The following ADAM10 variants were observed in gnomAD, a reference collection of about 807,000 sequenced individuals.
ADAM10 encodes the protein disintegrin and metalloproteinase domain-containing protein 10.
In ADAM10, 17 loss-of-function variants were observed where a neutral mutation model predicts 90.1. The observed-to-expected ratio is 0.19, with a 90% CI of 0.13 to 0.28. The LOEUF is 0.28. ADAM10 is among the 10% of genes least tolerant of loss of function. The pLI, the probability that ADAM10 is intolerant of heterozygous loss-of-function variation, is 1.00. For synonymous variants in ADAM10, 310 were observed against 298.6 expected (o/e 1.04, Z -0.40); for missense variants, 610 against 914.3 (o/e 0.67, Z 4.29).
At chr15:58,631,357 G>A (rs960493028) in intron 9 of ADAM10, among the ~76,000 whole-genome samples, 6 of 152,134 alleles carry the variant, frequency 3.9e-5, no homozygotes, top group South Asian at 2.1e-4. Flanking sequence ...AGCGTGGTAG[G>A]CAAAGAGTGT....
chr15:58,598,752 T>C (rs1895027005), intron 15 of ADAM10, among the ~76,000 whole-genome samples: 1 of 152,168 alleles, frequency 6.6e-6, no homozygotes, highest in African/African-American at 2.4e-5. Context: ...AACTAAACAA[T>C]ACGAAGGGTT....
intron 11 of ADAM10, among the ~76,000 whole-genome samples, chr15:58,616,199 C>T (rs1895610303): frequency 6.6e-6 from 1 of 152,154 alleles, no homozygotes; most frequent in Non-Finnish European, 1.5e-5. Context: ...ACTTCAACAG[C>T]CCATTCTCAG....
chr15:58,689,953 A>C (rs3052929), intron 2 of ADAM10, among the ~76,000 whole-genome samples: 12,927 of 63,532 alleles, frequency 0.2, 2,132 homozygotes, highest in African/African-American at 0.52. Flanking sequence ...GACCCCCCCC[A>C]AAAAAAAAAA....
At chr15:58,609,378 G>T (rs1895370223) in intron 14 of ADAM10, 1 of 152,062 alleles carries the variant, frequency 6.6e-6, no homozygotes, top group Non-Finnish European at 1.5e-5. Context: ...CCTAGGAACG[G>T]TAAACATCAT....
chr15:58,665,631 T>C (rs1171351524), intron 4 of ADAM10, among the ~76,000 whole-genome samples: 2 of 152,062 alleles, frequency 1.3e-5, no homozygotes, highest in African/African-American at 4.8e-5. Flanking sequence ...CTTCCTACTC[T>C]TGGGAAGATA....
intron 5 of ADAM10, among the ~76,000 whole-genome samples, chr15:58,652,122 GCTC>G (rs1802999561): frequency 6.6e-6 from 1 of 151,956 alleles, no homozygotes; most frequent in African/African-American, 2.4e-5. Flanking sequence ...AGTTATTTCA[GCTC>G]CTTATATATT....
chr15:58,736,367 TAC>T (rs1415563245), intron 1 of ADAM10, among the ~76,000 whole-genome samples: 2 of 152,180 alleles, frequency 1.3e-5, no homozygotes, highest in African/African-American at 2.4e-5. Context: ...TAGCATATAT[TAC>T]AGTCACATGG....
At chr15:58,637,058 T>A (rs566793555) in intron 8 of ADAM10, among the ~76,000 whole-genome samples, 1 of 152,324 alleles carries the variant, frequency 6.6e-6, no homozygotes, top group East Asian at 1.9e-4. Context: ...ATGATGTAAT[T>A]TTCCCAGCAT....
rs1459860544 is a variant in ADAM10, at chr15:58,597,146, G to A, written c.*401C>T. ...TGATGTCTCCAATGTTGAGGTGGTCGAGCCTCCTAGCCTTGATTGGCAGTT... is the reference window on the plus strand; with the variant it reads ...TGATGTCTCCAATGTTGAGGTGGTCAAGCCTCCTAGCCTTGATTGGCAGTT... On this transcript the variant is annotated 3_prime_UTR_variant, in exon 16 of 16. Coordinates refer to ENST00000260408, the MANE Select transcript of ADAM10 (RefSeq NM_001110.4). 1.3e-5 allele frequency: 6 copies of A among 448,050 alleles called. No individual in the cohort carries two copies. The highest frequency in any genetic ancestry group is 3.7e-5 in the Admixed American group (1 of 27,210). 27.8% of individuals were successfully genotyped at this position (448,050 alleles called of 1,614,324 possible).
chr15:58,665,170 CCCT>C lies in ADAM10; in HGVS notation c.509_511del (p.Gln170_Gly171delinsArg). 1.2e-6 allele frequency: 2 copies of C among 1,613,052 alleles called. No individual in the cohort carries two copies. The highest frequency in any genetic ancestry group is 8.5e-7 in the Non-Finnish European group (1 of 1,179,184). ...AAATACTGAATGATCTGCACAGCCCCCCTGAGGACCGTATTTATGGGGATAGTC... is the reference window on the plus strand; with the variant it reads ...AAATACTGAATGATCTGCACAGCCCCGAGGACCGTATTTATGGGGATAGTC... On this transcript the variant is annotated inframe_deletion, in exon 5 of 16. Transcript: ENST00000260408.
At chr15:58,705,371 T>G (rs1044374427) in intron 2 of ADAM10, among the ~76,000 whole-genome samples, 12 of 152,174 alleles carry the variant, frequency 7.9e-5, no homozygotes, top group Non-Finnish European at 1.8e-4. Flanking sequence ...GCGGTTCTAT[T>G]ATGATTCTTT....
chr15:58,733,839 A>G (rs531483145), intron 1 of ADAM10, among the ~76,000 whole-genome samples: 2 of 151,724 alleles, frequency 1.3e-5, no homozygotes, highest in East Asian at 1.9e-4. Flanking sequence ...ACCATGCTGA[A>G]TAACAAGTGT....
chr15:58,610,962 G>A, intron 13 of ADAM10, 37 bp downstream of exon 13: 1 of 1,505,896 alleles, frequency 6.6e-7, no homozygotes, highest in Non-Finnish European at 9.2e-7. Flanking sequence ...AATAGTTTGA[G>A]GCAAATTTTA....
In ADAM10 at chr15:58,595,513, T is replaced by C. The variant is rs1331893453; in HGVS notation, c.*2034A>G. 6.6e-6 allele frequency: 1 copy of C among 152,196 alleles called. No homozygotes were observed. Among genetic ancestry groups the C allele is most frequent in the Non-Finnish European group, 1.5e-5 (1 of 68,004 alleles). 9.4% of individuals were successfully genotyped at this position (152,196 alleles called of 1,614,324 possible). ...TTCCAAAGTGAACAAAAAAAGATAC[T>C]GTATAAAACACAGTGGACATTAAAA... is the stretch of plus-strand genomic sequence containing the variant. On this transcript the variant is annotated 3_prime_UTR_variant, in exon 16 of 16. Transcript: ENST00000260408.
Position 58,627,827 on chromosome 15 carries a change from T to A in ADAM10, c.1233A>T (p.Glu411Asp). ...PGESKNLGQKENGNYIMYARA... is the reference protein window; with the variant it reads ...PGESKNLGQKDNGNYIMYARA... ...TTGCATACATGATGTAATTGCCATT[T>A]TCTTTTTGACCCAAATTCTTAGATT... Residue 411 changes from glutamate (E) to aspartate (D), a missense_variant, in exon 10 of 16, where the codon GAA becomes GAT. Transcript: ENST00000260408. 6.2e-7 allele frequency: 1 copy of A among 1,613,796 alleles called. No homozygotes were observed.
At chr15:58,655,389 T>G (rs370816987) in intron 5 of ADAM10, 2 of 154,074 alleles carry the variant, frequency 1.3e-5, no homozygotes, top group South Asian at 4.1e-4. Context: ...GCACATGACA[T>G]GCTGGAAGCA....
chr15:58,614,399 G>C (rs1895543414), intron 11 of ADAM10, among the ~76,000 whole-genome samples: 1 of 151,908 alleles, frequency 6.6e-6, no homozygotes, highest in African/African-American at 2.4e-5. Context: ...CAAAAGTCAA[G>C]GACATAGAGA....
intron 5 of ADAM10, among the ~76,000 whole-genome samples, chr15:58,660,440 ACCATCTCAG>A (rs1410469353): frequency 6.6e-6 from 1 of 151,484 alleles, no homozygotes; most frequent in African/African-American, 2.4e-5. Context: ...AATCACTCTA[ACCATCTCAG>A]TTTCTTAATT....
chr15:58,747,033 T>C (rs347122), intron 1 of ADAM10, among the ~76,000 whole-genome samples: 5,344 of 152,294 alleles, frequency 0.035, 101 homozygotes, highest in Middle Eastern at 0.051. Flanking sequence ...CATCAGATTT[T>C]TAAATGTAAG....
Sources: gnomAD v4.1 joint callset for allele counts (sites outside exome capture counted in the v4.1 genomes callset) on GRCh38, gnomAD v4.1.1 for gene constraint, MANE v1.5 for transcripts, NCBI Gene and HGNC (gene_info 2026-07-23, HGNC 2026-07-21) for gene names.